The following LINGO2 variants were observed in gnomAD, a reference collection of about 807,000 sequenced individuals.
LINGO2 encodes the protein leucine rich repeat and Ig domain containing 2.
Under a neutral mutation model 30.6 loss-of-function variants are expected in LINGO2, and 14 were observed. The ratio of observed to expected loss-of-function variants is 0.46; its 90% CI spans 0.30 to 0.72. The LOEUF (loss-of-function observed/expected upper bound fraction) is 0.72. Ranked by LOEUF, LINGO2 falls within the 30% of genes least tolerant of loss-of-function variation. The pLI, the probability that LINGO2 is intolerant of heterozygous loss-of-function variation, is 0.07. For synonymous variants in LINGO2, 317 were observed against 288.5 expected (o/e 1.10, Z -1.00); for missense variants, 729 against 751.7 (o/e 0.97, Z 0.35).
chr9:29,211,541 A>T, the LINGO2 span, among the ~76,000 whole-genome samples: 1 of 151,032 alleles, frequency 6.6e-6, no homozygotes, highest in African/African-American at 2.4e-5. Flanking sequence ...TGCTCAGACC[A>T]TGACTTCCTT....
chr9:29,120,536 G>A, the LINGO2 span, among the ~76,000 whole-genome samples: 2 of 152,050 alleles, frequency 1.3e-5, no homozygotes, highest in Non-Finnish European at 2.9e-5. Context: ...ACTAACTGTG[G>A]TCCAACTCTA....
intron 1 of LINGO2, among the ~76,000 whole-genome samples, chr9:28,664,143 T>C (rs920164852): frequency 3.9e-5 from 6 of 152,230 alleles, no homozygotes; most frequent in Non-Finnish European, 8.8e-5. Context: ...AATAAAAATA[T>C]GTGAGGAAAA....
the LINGO2 span, among the ~76,000 whole-genome samples, chr9:28,883,655 T>TATATATATATATATATAC: frequency 7.5e-6 from 1 of 133,732 alleles, no homozygotes; most frequent in Admixed American, 7.7e-5. Context: ...TATATATATA[T>TATATATATATATATATAC]ATATATATAT....
chr9:28,986,542 G>C, the LINGO2 span, among the ~76,000 whole-genome samples: 17 of 151,816 alleles, frequency 1.1e-4, no homozygotes, highest in Non-Finnish European at 2.1e-4. Context: ...GTCTTCTTCA[G>C]TTTCTTTCAT....
chr9:28,348,159 T>C (rs998564660), intron 3 of LINGO2, among the ~76,000 whole-genome samples: 1 of 152,126 alleles, frequency 6.6e-6, no homozygotes, highest in African/African-American at 2.4e-5. Flanking sequence ...GATGGCCGAA[T>C]AGGAACAGCT....
At chr9:29,173,761 G>C in the LINGO2 span, among the ~76,000 whole-genome samples, 1 of 151,920 alleles carries the variant, frequency 6.6e-6, no homozygotes, top group African/African-American at 2.4e-5. Flanking sequence ...AGATAAACCA[G>C]AAAGGGCCTA....
the LINGO2 span, among the ~76,000 whole-genome samples, chr9:28,717,702 T>G: frequency 3.3e-5 from 5 of 151,988 alleles, no homozygotes. Flanking sequence ...ATTTTCAACA[T>G]TCATCCCTCC....
chr9:28,832,449 T>C, the LINGO2 span, among the ~76,000 whole-genome samples: 1 of 152,186 alleles, frequency 6.6e-6, no homozygotes, highest in Non-Finnish European at 1.5e-5. Flanking sequence ...GTTCCGTAAC[T>C]CTGGAGCTGA....
At chr9:29,081,981 A>G in the LINGO2 span, among the ~76,000 whole-genome samples, 1 of 152,172 alleles carries the variant, frequency 6.6e-6, no homozygotes, top group African/African-American at 2.4e-5. Context: ...AAGAAACAAT[A>G]TCGTGAAAAT....
At chr9:28,019,646 T>G (rs1823016488) in intron 4 of LINGO2, among the ~76,000 whole-genome samples, 1 of 152,152 alleles carries the variant, frequency 6.6e-6, no homozygotes, top group South Asian at 2.1e-4. Flanking sequence ...CATGGCCTAT[T>G]CCTAATTTAT....
At chr9:29,205,802 T>C in the LINGO2 span, among the ~76,000 whole-genome samples, 1 of 152,254 alleles carries the variant, frequency 6.6e-6, no homozygotes, top group Admixed American at 6.5e-5. Context: ...TTAGTGAATT[T>C]ACAGATTTGT....
chr9:28,310,966 A>T (rs1824591767), intron 3 of LINGO2, among the ~76,000 whole-genome samples: 1 of 152,168 alleles, frequency 6.6e-6, no homozygotes, highest in South Asian at 2.1e-4. Context: ...AACAATACTA[A>T]TATTGGGGGA....
At chr9:28,752,153 C>G in the LINGO2 span, among the ~76,000 whole-genome samples, 1 of 151,860 alleles carries the variant, frequency 6.6e-6, no homozygotes, top group Non-Finnish European at 1.5e-5. Context: ...AATATTGAGA[C>G]TCGGGTTTGA....
chr9:29,076,642 T>C, the LINGO2 span, among the ~76,000 whole-genome samples: 1 of 147,588 alleles, frequency 6.8e-6, no homozygotes, highest in African/African-American at 2.5e-5. Flanking sequence ...AATATATATA[T>C]ATAAAATAAA....
At chr9:28,896,488 A>G in the LINGO2 span, among the ~76,000 whole-genome samples, 1 of 152,136 alleles carries the variant, frequency 6.6e-6, no homozygotes, top group African/African-American at 2.4e-5. Flanking sequence ...AGCAAGAAAT[A>G]CATAATGAGA....
At chr9:28,578,945 CA>C (rs1477834118) in intron 1 of LINGO2, among the ~76,000 whole-genome samples, 1 of 151,944 alleles carries the variant, frequency 6.6e-6, no homozygotes, top group Non-Finnish European at 1.5e-5. Flanking sequence ...CCAGGGATGC[CA>C]TCACATAAAT....
intron 2 of LINGO2, among the ~76,000 whole-genome samples, chr9:28,420,300 TAGAA>T (rs1823141891): frequency 6.6e-6 from 1 of 152,142 alleles, no homozygotes; most frequent in Admixed American, 6.5e-5. Flanking sequence ...AGGTCAATTT[TAGAA>T]AGCAGCAGGT....
At chr9:28,900,361 CAT>C in the LINGO2 span, among the ~76,000 whole-genome samples, 5 of 152,100 alleles carry the variant, frequency 3.3e-5, no homozygotes, top group Non-Finnish European at 5.9e-5. Flanking sequence ...TTAGAAGACT[CAT>C]GTGTAGCCTT....
At chr9:28,814,114 G>C in the LINGO2 span, among the ~76,000 whole-genome samples, 4 of 152,242 alleles carry the variant, frequency 2.6e-5, no homozygotes, top group African/African-American at 9.6e-5. Flanking sequence ...TATATGACCA[G>C]ACTCAAATCA....
Sources: gnomAD v4.1 joint callset for allele counts (sites outside exome capture counted in the v4.1 genomes callset) on GRCh38, gnomAD v4.1.1 for gene constraint, MANE v1.5 for transcripts, NCBI Gene and HGNC (gene_info 2026-07-23, HGNC 2026-07-21) for gene names.